TBC1D10B: variants seen among roughly 807,000 people sequenced by gnomAD.
TBC1D10B encodes the protein TBC1 domain family member 10B, also known as Rab27A-GAPbeta.
Under a neutral mutation model 78.4 loss-of-function variants are expected in TBC1D10B, and 25 were observed. That is an observed-to-expected ratio of 0.32 (90% CI 0.23 to 0.45). The LOEUF is 0.45. Ranked by LOEUF, TBC1D10B falls within the 20% of genes least tolerant of loss-of-function variation. The probability of loss-of-function intolerance (pLI) is 1.00; values close to 1 mark genes in which losing one functional copy is unlikely to be tolerated. For missense variants in TBC1D10B, 996 were observed against 1,104.8 expected (o/e 0.90, Z 1.40); for synonymous variants, 517 against 478.0 (o/e 1.08, Z -1.06).
chr16:30,369,662 C>T lies in TBC1D10B; in HGVS notation c.522G>A (p.Lys174=). 6.5e-7 allele frequency: 1 copy of T among 1,532,974 alleles called. No individual in the cohort carries two copies. Among genetic ancestry groups the T allele is most frequent in the Non-Finnish European group, 8.8e-7 (1 of 1,137,392 alleles). The allele number at this position is 1,532,974 out of a possible 1,614,324, so 95.0% of individuals were successfully genotyped here. The part of the protein sequence containing the change: ...ALTAKPPLAP[K]PGTTVASGVT... Reference sequence around the variant, plus strand: ...CTCCTGAGGCCACTGTGGTTCCCGGCTTGGGGGCAAGCGGGGGTTTGGCGG... The same window carrying T: ...CTCCTGAGGCCACTGTGGTTCCCGGTTTGGGGGCAAGCGGGGGTTTGGCGG... The change falls in exon 1 of 9, where the codon AAG becomes AAA. Residue 174 remains lysine (K), a synonymous_variant. Transcript: ENST00000409939. The surrounding 1 kb of genome is among the most constrained non-coding windows in gnomAD (Gnocchi z 4.3).
intron 4 of TBC1D10B, among the ~76,000 whole-genome samples, chr16:30,364,532 G>C (rs1054036354): frequency 6.6e-6 from 1 of 152,182 alleles, no homozygotes. Flanking sequence ...ACATCTGGAG[G>C]AAGCTTGGTC....
intron 4 of TBC1D10B, among the ~76,000 whole-genome samples, chr16:30,362,101 G>A (rs1018604025): frequency 4.6e-5 from 7 of 150,702 alleles, no homozygotes; most frequent in South Asian, 4.2e-4. Flanking sequence ...TGCCCGCCTC[G>A]GCCTCCCAAT....
chr16:30,368,575 C>T (rs1361626468), intron 1 of TBC1D10B, among the ~76,000 whole-genome samples: 1 of 152,072 alleles, frequency 6.6e-6, no homozygotes, highest in Non-Finnish European at 1.5e-5. Flanking sequence ...TGACTCAGGC[C>T]CCGGAGAGAA....
chr16:30,364,304 G>A (rs1021042610), intron 4 of TBC1D10B, among the ~76,000 whole-genome samples: 1 of 151,814 alleles, frequency 6.6e-6, no homozygotes, highest in African/African-American at 2.4e-5. Context: ...AGCTGGGCAC[G>A]ATGGTGTGCA....
intron 4 of TBC1D10B, among the ~76,000 whole-genome samples, chr16:30,362,694 C>CG (rs1188158936): frequency 6.6e-6 from 1 of 152,198 alleles, no homozygotes; most frequent in African/African-American, 2.4e-5. Flanking sequence ...TTTGTGTATA[C>CG]TGTACACTGA....
At position 30,359,181 on chromosome 16, in the gene TBC1D10B, A is replaced by C. The variant is rs1387695152; in HGVS notation, c.1633T>G (p.Phe545Val). 8.7e-6 allele frequency: 14 copies of C among 1,611,226 alleles called. No individual in the cohort carries two copies. Among genetic ancestry groups the C allele is most frequent in the Non-Finnish European group, 1.2e-5 (14 of 1,178,832 alleles). ...AGGGCCACAGAAGTACCTTCACAGA[A>C]AAACATGTCCCAGACACGCAGCACC... ...ASVLRVWDMFFCEGVKIIFRV... is the reference protein window; with the variant it reads ...ASVLRVWDMFVCEGVKIIFRV... The change falls in exon 7 of 9, where the codon TTC becomes GTC. Residue 545 changes from phenylalanine (F) to valine (V), a missense_variant. Phe to Val is a conservative substitution (Grantham distance 50, BLOSUM62 -1). Around this residue, in one of 5 missense-constraint regions of TBC1D10B, gnomAD observed 168 missense variants for 238.7 expected, o/e 0.70. Transcript: ENST00000409939.
rs1007152630 is a variant in TBC1D10B at position 30,370,415 on chromosome 16, C to T, written c.-232G>A. Among the ~76,000 whole-genome samples the T allele has an allele frequency of 4.0e-5, 6 of 151,856 alleles. No homozygotes were observed. Among genetic ancestry groups the T allele is most frequent in the Admixed American group, 1.3e-4 (2 of 15,274 alleles). Reference sequence around the variant, plus strand: ...CCCCCTCGCGCGCTCTCGCCACCGCCCCCTCCCTCCTGCTTGGGGGCGAGC... The same window carrying T: ...CCCCCTCGCGCGCTCTCGCCACCGCTCCCTCCCTCCTGCTTGGGGGCGAGC... On this transcript the variant is annotated 5_prime_UTR_variant, in exon 1 of 9. Coordinates refer to ENST00000409939, the MANE Select transcript of TBC1D10B (RefSeq NM_015527.4).
At position 30,370,043 on chromosome 16, in the gene TBC1D10B, C is replaced by T. The variant is rs947520788; in HGVS notation, c.141G>A (p.Ser47=). 12 of 1,229,728 alleles carry T rather than the reference C, an allele frequency of 9.8e-6. No individual in the cohort carries two copies. The Admixed American group carries it at 1.7e-4, about 17-fold the overall frequency. 76.2% of individuals were successfully genotyped at this position (1,229,728 alleles called of 1,614,324 possible). ...APGPPVTTAT[S]APVTLVAPGE... ...CGGGGGCCACCAGGGTGACGGGGGC[C>T]GAAGTGGCCGTAGTCACTGGAGGTC... Residue 47 remains serine (S), a synonymous_variant, in exon 1 of 9, where the codon TCG becomes TCA. Coordinates refer to ENST00000409939, the MANE Select transcript of TBC1D10B (RefSeq NM_015527.4).
At position 30,357,667 on chromosome 16, in the gene TBC1D10B, C is replaced by T. The variant is rs2049562404; in HGVS notation, c.*277G>A. On this transcript the variant is annotated 3_prime_UTR_variant, in exon 9 of 9. Coordinates refer to ENST00000409939, the MANE Select transcript of TBC1D10B (RefSeq NM_015527.4). The stretch of plus-strand genomic sequence containing the variant: ...ACCCCTGGGATGACAACGGGCCATT[C>T]AGGACAGCACCTAGGAGGGGACCCA... 1.8e-6 allele frequency: 1 copy of T among 548,838 alleles called. No individual in the cohort carries two copies. The highest frequency in any genetic ancestry group is 3.3e-6 in the Non-Finnish European group (1 of 307,632). The allele number at this position is 548,838 out of a possible 1,614,324, so 34.0% of individuals were successfully genotyped here. A position where few individuals can be genotyped will look rare whatever the true frequency, so the allele number is the denominator to read the frequency against.
chr16:30,359,041 C>T (rs1232341582), intron 7 of TBC1D10B, 131 bp downstream of exon 7: 2 of 1,303,908 alleles, frequency 1.5e-6, no homozygotes, highest in African/African-American at 3.0e-5. Flanking sequence ...TTCTCCAGCC[C>T]CCAGCTGCTT....
Position 30,357,977 on chromosome 16 carries a change from G to A in TBC1D10B, c.2394C>T (p.Pro798=). 6.4e-7 allele frequency: 1 copy of A among 1,551,596 alleles called. No individual in the cohort carries two copies. Among genetic ancestry groups the A allele is most frequent in the Non-Finnish European group, 8.7e-7 (1 of 1,146,964 alleles). Residue 798 remains proline (P), a synonymous_variant, in exon 9 of 9, where the codon CCC becomes CCT. Coordinates refer to ENST00000409939, the MANE Select transcript of TBC1D10B (RefSeq NM_015527.4). Reference sequence around the variant, plus strand: ...AAGCGTCCTGCCGGGCCTCGGCTGAGGGCCTGTCCCCACCATCATGGGGGC... The same window carrying A: ...AAGCGTCCTGCCGGGCCTCGGCTGAAGGCCTGTCCCCACCATCATGGGGGC... ...PPGPHDGGDR[P]SAEARQDAYF is the part of the protein sequence containing the mutation.
At position 30,359,492 on chromosome 16, in the gene TBC1D10B, G is replaced by T. The variant is rs377149223; in HGVS notation, c.1452+46C>A. 1.7e-5 allele frequency: 26 copies of T among 1,552,362 alleles called. No individual in the cohort carries two copies. The African/African-American group carries it at 3.4e-4, about 20-fold the overall frequency. ...AAGGCAAGGACCTGCCTGCAGCCTGGAGGAAACGCCACAGCCCCGGATGCA... is the reference window on the plus strand; with the variant it reads ...AAGGCAAGGACCTGCCTGCAGCCTGTAGGAAACGCCACAGCCCCGGATGCA... On this transcript the variant is annotated intron_variant, in intron 6 of 8. Coordinates refer to ENST00000409939, the MANE Select transcript of TBC1D10B (RefSeq NM_015527.4).
chr16:30,365,169 G>A lies in TBC1D10B; in HGVS notation c.1100C>T (p.Ala367Val). 9 of 1,613,984 alleles carry A rather than the reference G, an allele frequency of 5.6e-6. No homozygotes were observed. Among genetic ancestry groups the A allele is most frequent in the Non-Finnish European group, 7.6e-6 (9 of 1,179,898 alleles). The part of the protein sequence containing the change: ...CRKGIPSSLR[A>V]KAWQYLSNSK... ...ATTAGACAGGTACTGCCAGGCTTTG[G>A]CTCTGAGAGAGGAGGGGATCCCCTT... The change falls in exon 3 of 9, where the codon GCC becomes GTC. Residue 367 changes from alanine (A) to valine (V), a missense_variant. Physicochemically the swap from Ala to Val is moderately conservative, Grantham distance 64. Transcript: ENST00000409939. The surrounding 1 kb of genome is among the most constrained non-coding windows in gnomAD (Gnocchi z 5.0).
intron 1 of TBC1D10B, chr16:30,367,351 G>T (rs1472847404): frequency 6.6e-6 from 1 of 152,202 alleles, no homozygotes; most frequent in Non-Finnish European, 1.5e-5. Flanking sequence ...TCCTTAAACA[G>T]AGAGACCATC....
intron 6 of TBC1D10B, 64 bp downstream of exon 6, chr16:30,359,474 G>C (rs929833707): frequency 4.5e-6 from 7 of 1,550,150 alleles, no homozygotes; most frequent in African/African-American, 4.1e-5. Flanking sequence ...GGCAAGGCAA[G>C]GACCTGCCTG....
intron 4 of TBC1D10B, among the ~76,000 whole-genome samples, chr16:30,364,291 A>T (rs1344675110): frequency 6.6e-6 from 1 of 151,948 alleles, no homozygotes; most frequent in Non-Finnish European, 1.5e-5. Context: ...AAACACAAAA[A>T]TGAGCTGGGC....
Position 30,359,861 on chromosome 16 carries a change from C to T in TBC1D10B, c.1272-20G>A. The T allele has an allele frequency of 6.5e-7, 1 of 1,546,792 alleles. No individual in the cohort carries two copies. The highest frequency in any genetic ancestry group is 8.7e-7 in the Non-Finnish European group (1 of 1,143,340). On this transcript the variant is annotated intron_variant, in intron 4 of 8. Coordinates refer to ENST00000409939, the MANE Select transcript of TBC1D10B (RefSeq NM_015527.4). ...TGTTGCCTGTGGGGGTTGGGGAAGA[C>T]TGTGAGGGCAGTCACGGGCTGAGAG...
In TBC1D10B at chr16:30,370,041, G is replaced by A. The variant is rs2151104075; in HGVS notation, c.143C>T (p.Ala48Val). 5.7e-6 allele frequency: 7 copies of A among 1,230,128 alleles called. No individual in the cohort carries two copies. In the South Asian group the frequency reaches 2.4e-4, roughly 42 times the overall value. 76.2% of individuals were successfully genotyped at this position (1,230,128 alleles called of 1,614,324 possible). A position where few individuals can be genotyped will look rare whatever the true frequency, so the allele number is the denominator to read the frequency against. ...PGPPVTTATS[A>V]PVTLVAPGEA... ...CCCGGGGGCCACCAGGGTGACGGGG[G>A]CCGAAGTGGCCGTAGTCACTGGAGG... The change falls in exon 1 of 9, where the codon GCC (alanine) becomes GTC (valine). Residue 48 changes from alanine (A) to valine (V), a missense_variant. Physicochemically the swap from Ala to Val is moderately conservative, Grantham distance 64 (BLOSUM62 0). Around this residue, in one of 5 missense-constraint regions of TBC1D10B, gnomAD observed 448 missense variants for 442.1 expected, o/e 1.01. Transcript: ENST00000409939.
Position 30,369,723 on chromosome 16 carries a change from G to A in TBC1D10B, c.461C>T (p.Thr154Ile), listed in dbSNP as rs1166070729. 1 of 1,481,512 alleles carries A rather than the reference G, an allele frequency of 6.7e-7. No homozygotes were observed. The highest frequency in any genetic ancestry group is 1.4e-5 in the South Asian group (1 of 72,918). The allele number at this position is 1,481,512 out of a possible 1,614,324, so 91.8% of individuals were successfully genotyped here. A position where few individuals can be genotyped will look rare whatever the true frequency, so the allele number is the denominator to read the frequency against. The change falls in exon 1 of 9, where the codon ACC (threonine) becomes ATC (isoleucine). Residue 154 changes from threonine to isoleucine, a missense_variant. Coordinates refer to ENST00000409939, the MANE Select transcript of TBC1D10B (RefSeq NM_015527.4). This position sits in a 1 kb window ranked among gnomAD's most constrained non-coding sequence, Gnocchi z 4.3. The part of the protein sequence containing the change: ...PGPGTPTGTP[T>I]RTPSRTAPGA... The stretch of plus-strand genomic sequence containing the variant: ...AGGAGCCGTTCTGGAAGGGGTCCTG[G>A]TAGGGGTCCCGGTGGGGGTCCCTGG...
Sources: allele counts gnomAD v4.1 joint callset (sites outside exome capture counted in the v4.1 genomes callset), GRCh38; gene constraint gnomAD v4.1.1; regional missense constraint gnomAD v4.1.1; non-coding constraint Gnocchi (gnomAD v3.1); transcripts MANE v1.5; gene names NCBI Gene and HGNC (gene_info 2026-07-23, HGNC 2026-07-21).